SLC28A1: variants seen among roughly 807,000 people sequenced by gnomAD.
The protein encoded by SLC28A1 is sodium/nucleoside cotransporter 1.
A neutral mutation model predicts 74.8 loss-of-function variants in SLC28A1; 64 were observed. That is an observed-to-expected ratio of 0.86 (90% confidence interval 0.70 to 1.05). The LOEUF (loss-of-function observed/expected upper bound fraction) is 1.05, where lower values mean the gene tolerates loss of function less well. Among genes scored for constraint, SLC28A1 ranks in the 50% least tolerant of loss-of-function variants. SLC28A1 has a pLI of 0.00. For missense variants in SLC28A1, 828 were observed against 822.8 expected (o/e 1.01, Z -0.08); for synonymous variants, 359 against 335.0 (o/e 1.07, Z -0.78).
At chr15:84,901,804 G>A (rs913980124) in intron 6 of SLC28A1, among the ~76,000 whole-genome samples, 4 of 152,204 alleles carry the variant, frequency 2.6e-5, no homozygotes, top group Admixed American at 2.0e-4. Flanking sequence ...AAACAGATTG[G>A]CACTTTCCAG....
the SLC28A1 span, among the ~76,000 whole-genome samples, chr15:84,968,527 C>G: frequency 4.6e-5 from 7 of 152,224 alleles, no homozygotes; most frequent in Non-Finnish European, 1.0e-4. Context: ...AGGGAGAGAA[C>G]AAAGTGGAAG....
At chr15:84,890,369 A>G in intron 4 of SLC28A1, 74 bp from the exon 5 acceptor site, 1 of 1,063,670 alleles carries the variant, frequency 9.4e-7, no homozygotes, top group Non-Finnish European at 1.4e-6. Context: ...GACATACCTG[A>G]GTGGAGGTGC....
At chr15:84,946,083 T>TGTATATATATATATATATATA (rs1321419859), downstream of SLC28A1, among the ~76,000 whole-genome samples, 1 of 36,224 alleles carries the variant, frequency 2.8e-5, no homozygotes, top group Non-Finnish European at 4.8e-5. Flanking sequence ...TGTGTGTATG[T>TGTATATATATATATATATATA]TCATATATAT....
intron 1 of SLC28A1, 34 bp from the exon 2 acceptor site, chr15:84,886,638 G>A: frequency 1.0e-6 from 1 of 985,502 alleles, no homozygotes; most frequent in Non-Finnish European, 1.2e-6. Flanking sequence ...CTGGGTGGCA[G>A]GCCCAACCTA....
At chr15:84,951,452 A>AAAAAAG in the SLC28A1 span, among the ~76,000 whole-genome samples, 1 of 150,188 alleles carries the variant, frequency 6.7e-6, no homozygotes. Context: ...AAAAAAAAAA[A>AAAAAAG]AGAAGGAGTC....
chr15:84,938,200 CAA>C (rs34641275), intron 15 of SLC28A1, among the ~76,000 whole-genome samples: 5 of 129,178 alleles, frequency 3.9e-5, no homozygotes, highest in Non-Finnish European at 3.2e-5. Context: ...AACTCCATCT[CAA>C]AAAAAAAAAA....
intron 4 of SLC28A1, among the ~76,000 whole-genome samples, chr15:84,889,742 TTCCTTCC>T (rs1965119500): frequency 9.9e-6 from 1 of 101,490 alleles, no homozygotes; most frequent in African/African-American, 4.0e-5. Flanking sequence ...CCTTCCTTCC[TTCCTTCC>T]TTCCTTCCTT....
chr15:84,912,418 G>A (rs897065676), intron 9 of SLC28A1, among the ~76,000 whole-genome samples: 2 of 152,104 alleles, frequency 1.3e-5, no homozygotes, highest in Admixed American at 6.6e-5. Flanking sequence ...GCTCTCTTCT[G>A]GGGGGAAGTA....
At chr15:84,930,381 G>A (rs1971122073) in intron 12 of SLC28A1, among the ~76,000 whole-genome samples, 1 of 152,208 alleles carries the variant, frequency 6.6e-6, no homozygotes, top group African/African-American at 2.4e-5. Flanking sequence ...GCCCAGGCTT[G>A]CACACCCAGT....
chr15:84,900,912 AAGTT>A (rs1407778473), intron 6 of SLC28A1, among the ~76,000 whole-genome samples: 1 of 132,278 alleles, frequency 7.6e-6, no homozygotes, highest in Non-Finnish European at 1.7e-5. Context: ...GGAAGGAAGG[AAGTT>A]AGTTGATTAA....
chr15:84,948,257 A>G (rs1450065374), downstream of SLC28A1, among the ~76,000 whole-genome samples: 5 of 152,160 alleles, frequency 3.3e-5, no homozygotes, highest in Non-Finnish European at 7.3e-5. Flanking sequence ...GAAGAATATC[A>G]TCTGCTTGAA....
At chr15:84,910,938 G>A (rs1412526555) in intron 9 of SLC28A1, among the ~76,000 whole-genome samples, 1 of 152,202 alleles carries the variant, frequency 6.6e-6, no homozygotes, top group Non-Finnish European at 1.5e-5. Context: ...GACAGACTGA[G>A]CTAGGCAGGA....
chr15:84,965,903 A>T, the SLC28A1 span, among the ~76,000 whole-genome samples: 226 of 117,804 alleles, frequency 1.9e-3, no homozygotes, highest in Middle Eastern at 0.017. Flanking sequence ...GGAGGCGGGG[A>T]GGGGGGGGAA....
chr15:84,924,707 G>A (rs1050673426), intron 12 of SLC28A1, among the ~76,000 whole-genome samples: 9 of 152,268 alleles, frequency 5.9e-5, no homozygotes, highest in Admixed American at 4.6e-4. Context: ...CATAATGCCC[G>A]GTAATAATGC....
chr15:84,890,378 G>T, intron 4 of SLC28A1, 65 bp from the exon 5 acceptor site: 1 of 1,179,514 alleles, frequency 8.5e-7, no homozygotes, highest in Non-Finnish European at 1.2e-6. Flanking sequence ...GAGTGGAGGT[G>T]CTGAGGATCT....
At chr15:84,887,680 G>T (rs1353939313) in intron 2 of SLC28A1, 65 bp from the exon 3 acceptor site, 2 of 1,585,660 alleles carry the variant, frequency 1.3e-6, no homozygotes, top group Non-Finnish European at 8.6e-7. Context: ...CTTTCCCCGG[G>T]CCCCTAAACT....
chr15:84,949,565 ATTTTT>A (rs11318236), downstream of SLC28A1, among the ~76,000 whole-genome samples: 1 of 103,844 alleles, frequency 9.6e-6, no homozygotes, highest in Non-Finnish European at 1.9e-5. Flanking sequence ...TGCCCGGCTA[ATTTTT>A]TTTTTTTTTT....
downstream of SLC28A1, among the ~76,000 whole-genome samples, chr15:84,946,082 GTTCATATATATA>G (rs2079198305): frequency 8.5e-5 from 2 of 23,410 alleles, no homozygotes; most frequent in African/African-American, 1.6e-4. Flanking sequence ...GTGTGTGTAT[GTTCATATATATA>G]TATATATATA....
At chr15:84,960,484 C>T in the SLC28A1 span, among the ~76,000 whole-genome samples, 2 of 152,004 alleles carry the variant, frequency 1.3e-5, no homozygotes, top group African/African-American at 4.8e-5. Context: ...CCTCGAACCC[C>T]TGTACTCAAG....
Sources: gnomAD v4.1 joint callset for allele counts (sites outside exome capture counted in the v4.1 genomes callset) on GRCh38, gnomAD v4.1.1 for gene constraint, MANE v1.5 for transcripts, NCBI Gene and HGNC (gene_info 2026-07-23, HGNC 2026-07-21) for gene names.